SYT14: variants seen among roughly 807,000 people sequenced by gnomAD.
SYT14 encodes the protein synaptotagmin-14.
A neutral mutation model predicts 74.2 loss-of-function variants in SYT14; 32 were observed. The ratio of observed to expected loss-of-function variants is 0.43; its 90% CI spans 0.33 to 0.58. SYT14 has a LOEUF of 0.58. Among genes scored for constraint, SYT14 ranks in the 20% least tolerant of loss-of-function variants. The pLI is 0.05. For synonymous variants in SYT14, 298 were observed against 337.7 expected, an observed-to-expected ratio of 0.88 and a Z score of 1.29; for missense variants, 791 against 981.8, an observed-to-expected ratio of 0.81 and a Z score of 2.60.
chr1:210,075,270 G>A (rs1050545293), intron 5 of SYT14, among the ~76,000 whole-genome samples: 1 of 151,764 alleles, frequency 6.6e-6, no homozygotes, highest in African/African-American at 2.4e-5. Context: ...CCAGCTGTTT[G>A]TGTCTTCTGC....
chr1:210,045,098 C>T (rs1396430354), intron 5 of SYT14, among the ~76,000 whole-genome samples: 1 of 152,130 alleles, frequency 6.6e-6, no homozygotes, highest in Non-Finnish European at 1.5e-5. Context: ...TATCTACTTT[C>T]AGAATATTTA....
chr1:210,067,313 A>T (rs2081314344), intron 5 of SYT14, among the ~76,000 whole-genome samples: 1 of 152,010 alleles, frequency 6.6e-6, no homozygotes, highest in South Asian at 2.1e-4. Context: ...TTTAGAATCA[A>T]CTTGACAATT....
intron 5 of SYT14, among the ~76,000 whole-genome samples, chr1:210,073,621 G>A (rs1276655264): frequency 6.6e-6 from 1 of 151,798 alleles, no homozygotes; most frequent in African/African-American, 2.4e-5. Flanking sequence ...CCAACAAACT[G>A]TACTGTTAAC....
intron 7 of SYT14, among the ~76,000 whole-genome samples, chr1:210,131,181 TATC>T (rs1291130137): frequency 3.3e-5 from 5 of 152,162 alleles, no homozygotes; most frequent in East Asian, 1.9e-4. Context: ...GTGTTAATAT[TATC>T]ATCATCACTG....
chr1:209,940,441 C>CTATAA (rs994269920), intron 1 of SYT14, among the ~76,000 whole-genome samples: 5 of 151,314 alleles, frequency 3.3e-5, no homozygotes, highest in Non-Finnish European at 7.4e-5. Flanking sequence ...ATAAGTAAGA[C>CTATAA]TATAACCCTT....
intron 2 of SYT14, among the ~76,000 whole-genome samples, chr1:210,003,727 A>G (rs571871950): frequency 9.9e-5 from 15 of 152,250 alleles, no homozygotes; most frequent in South Asian, 4.2e-4. Context: ...CTTGCTGGCA[A>G]TGCTTCTTAA....
At chr1:210,154,776 CATT>C (rs1429431092) in intron 7 of SYT14, among the ~76,000 whole-genome samples, 4 of 152,156 alleles carry the variant, frequency 2.6e-5, no homozygotes, top group Non-Finnish European at 4.4e-5. Flanking sequence ...AATCAAAAAA[CATT>C]ATGAATAATT....
intron 4 of SYT14, among the ~76,000 whole-genome samples, chr1:210,017,993 C>G (rs1424176608): frequency 1.3e-5 from 2 of 152,192 alleles, no homozygotes; most frequent in African/African-American, 4.8e-5. Flanking sequence ...CGACTACATA[C>G]ATAATAGGGA....
rs555452984 is a variant in SYT14 at position 210,047,458 on chromosome 1, C to T, written c.1312+26204C>T. 1.1e-3 allele frequency among the ~76,000 whole-genome samples: 169 copies of T among 152,110 alleles called. 1 individual carries two copies. Among genetic ancestry groups the T allele is most frequent in the African/African-American group, 4.0e-3 (166 of 41,492 alleles). On this transcript the variant is annotated intron_variant, in intron 5 of 9. Transcript: ENST00000637265. ...TGTCGGCCGGGCTGGAGTGCAATGG[C>T]GCAATCTCAACTAACTGCAACCTCC...
intron 7 of SYT14, among the ~76,000 whole-genome samples, chr1:210,140,274 A>G (rs952556723): frequency 3.9e-5 from 6 of 152,096 alleles, no homozygotes; most frequent in Non-Finnish European, 7.4e-5. Context: ...ATAAATTTCT[A>G]TTAAAATCCT....
At chr1:210,037,575 G>A (rs2080694724) in intron 5 of SYT14, among the ~76,000 whole-genome samples, 1 of 149,954 alleles carries the variant, frequency 6.7e-6, no homozygotes, top group Admixed American at 6.7e-5. Context: ...GGTACATAGT[G>A]CTATAGACTG....
At chr1:210,082,817 A>G (rs1251392980) in intron 5 of SYT14, among the ~76,000 whole-genome samples, 1 of 152,190 alleles carries the variant, frequency 6.6e-6, no homozygotes, top group Non-Finnish European at 1.5e-5. Context: ...TTTTCACTTT[A>G]CTTGCTGATG....
At chr1:210,007,230 A>T (rs966042455) in intron 2 of SYT14, among the ~76,000 whole-genome samples, 1 of 152,070 alleles carries the variant, frequency 6.6e-6, no homozygotes, top group South Asian at 2.1e-4. Flanking sequence ...ACAAATAATC[A>T]TTAGTCTTGG....
At chr1:210,048,643 G>C (rs2080930725) in intron 5 of SYT14, among the ~76,000 whole-genome samples, 1 of 152,162 alleles carries the variant, frequency 6.6e-6, no homozygotes, top group African/African-American at 2.4e-5. Context: ...TTGGGACATA[G>C]CCAAACCACG....
At chr1:209,949,346 G>C (rs1012171645) in intron 1 of SYT14, among the ~76,000 whole-genome samples, 5 of 151,946 alleles carry the variant, frequency 3.3e-5, no homozygotes, top group African/African-American at 1.2e-4. Context: ...AGGCCGAGGC[G>C]GGCGGATCAT....
intron 7 of SYT14, among the ~76,000 whole-genome samples, chr1:210,125,703 G>A (rs953907725): frequency 2.6e-5 from 4 of 152,024 alleles, no homozygotes; most frequent in South Asian, 2.1e-4. Flanking sequence ...AAGTGATTTC[G>A]TTTTCCTTCA....
chr1:210,071,067 C>A (rs1024046347), intron 5 of SYT14, among the ~76,000 whole-genome samples: 6 of 151,498 alleles, frequency 4.0e-5, no homozygotes, highest in East Asian at 1.9e-4. Flanking sequence ...CCTAGTAATA[C>A]CATTTTTTAC....
At chr1:209,940,939 G>A (rs887102538) in intron 1 of SYT14, among the ~76,000 whole-genome samples, 2 of 152,222 alleles carry the variant, frequency 1.3e-5, no homozygotes, top group Non-Finnish European at 2.9e-5. Flanking sequence ...ATTAGAATAG[G>A]TTTTTTTGGA....
chr1:210,003,686 C>G (rs754820724), intron 2 of SYT14, among the ~76,000 whole-genome samples: 3 of 152,136 alleles, frequency 2.0e-5, no homozygotes, highest in Non-Finnish European at 4.4e-5. Context: ...AAAGATCATA[C>G]TGTTCTGGAA....
Sources: gnomAD v4.1 joint callset for allele counts (sites outside exome capture counted in the v4.1 genomes callset) on GRCh38, gnomAD v4.1.1 for gene constraint, MANE v1.5 for transcripts, NCBI Gene and HGNC (gene_info 2026-07-23, HGNC 2026-07-21) for gene names.